The following RTN3 variants were observed in gnomAD, a reference collection of about 807,000 sequenced individuals.
The protein encoded by RTN3 is reticulon 3.
A neutral mutation model predicts 77.8 loss-of-function variants in RTN3; 49 were observed. That is an observed-to-expected ratio of 0.63 (90% CI 0.50 to 0.80). The LOEUF is 0.80. RTN3 is among the 30% of genes least tolerant of loss of function. The pLI is 0.00. For synonymous variants in RTN3, 464 were observed against 446.9 expected, an observed-to-expected ratio of 1.04 and a Z score of -0.48; for missense variants, 1,236 against 1,211.9, an observed-to-expected ratio of 1.02 and a Z score of -0.29.
intron 3 of RTN3, among the ~76,000 whole-genome samples, chr11:63,742,104 C>G (rs2013518526): frequency 6.6e-6 from 1 of 151,444 alleles, no homozygotes; most frequent in African/African-American, 2.4e-5. Context: ...CTCAGCCTCC[C>G]AAGTAGCTGA....
At chr11:63,696,836 C>T (rs755233653) in intron 1 of RTN3, among the ~76,000 whole-genome samples, 1 of 149,662 alleles carries the variant, frequency 6.7e-6, no homozygotes, top group Non-Finnish European at 1.5e-5. Flanking sequence ...CTTGAGCCAC[C>T]ACACCTGGCC....
At chr11:63,734,022 C>G (rs1278771590) in intron 3 of RTN3, among the ~76,000 whole-genome samples, 1 of 152,064 alleles carries the variant, frequency 6.6e-6, no homozygotes, top group African/African-American at 2.4e-5. Context: ...AGTTCGATAT[C>G]CTTTTCTGAT....
chr11:63,710,637 G>C (rs1463419671), intron 2 of RTN3, among the ~76,000 whole-genome samples: 1 of 152,170 alleles, frequency 6.6e-6, no homozygotes, highest in Middle Eastern at 3.2e-3. Flanking sequence ...GGCTCCTCCT[G>C]TGGGATTTTT....
chr11:63,728,322 CAT>C lies in RTN3; in HGVS notation c.2530+7291_2530+7292del, dbSNP rs757916347. On this transcript the variant is annotated intron_variant, in intron 3 of 8. Transcript: ENST00000377819. ...AGACCCCAGACCCCCAGAGCAAAAA[CAT>C]GTACTGGCAATAAATCATATTGTTA... Among the ~76,000 whole-genome samples, 16 of 152,312 alleles carry C rather than the reference CAT, an allele frequency of 1.1e-4. No homozygotes were observed. The East Asian group carries it at 3.1e-3, about 29-fold the overall frequency.
At chr11:63,735,598 C>CTT (rs2013060967) in intron 3 of RTN3, among the ~76,000 whole-genome samples, 2 of 147,768 alleles carry the variant, frequency 1.4e-5, no homozygotes, top group Admixed American at 6.8e-5. Context: ...CTCTCTCTCT[C>CTT]TCTTTCTTTC....
intron 3 of RTN3, among the ~76,000 whole-genome samples, chr11:63,737,326 G>A (rs1483010690): frequency 1.3e-5 from 2 of 152,168 alleles, no homozygotes; most frequent in Non-Finnish European, 2.9e-5. Flanking sequence ...AAGATTGATG[G>A]CCAGGCATGC....
In RTN3 at chr11:63,758,972, G is replaced by C. The variant is rs561825832; in HGVS notation, c.*771G>C. 1 of 152,308 alleles carries C rather than the reference G, an allele frequency of 6.6e-6. No homozygotes were observed. Among genetic ancestry groups the C allele is most frequent in the South Asian group, 2.1e-4 (1 of 4,820 alleles). 9.4% of individuals were successfully genotyped at this position (152,308 alleles called of 1,614,324 possible). ...GTTCTGAGCATTAGTTTGAGAACTC[G>C]TTCCCGAATGTGCTTTCCTCCCTCT... On this transcript the variant is annotated 3_prime_UTR_variant, in exon 9 of 9. Transcript: ENST00000377819.
chr11:63,741,234 C>T (rs996622646), intron 3 of RTN3, among the ~76,000 whole-genome samples: 2 of 149,410 alleles, frequency 1.3e-5, no homozygotes, highest in Non-Finnish European at 3.0e-5. Flanking sequence ...TGGAGTTTCG[C>T]TCTTGTCGCC....
intron 3 of RTN3, among the ~76,000 whole-genome samples, chr11:63,728,745 G>A (rs1387513154): frequency 1.3e-5 from 2 of 151,918 alleles, no homozygotes; most frequent in East Asian, 1.9e-4. Flanking sequence ...AAAATTAGCC[G>A]GGGTGGCAGT....
At chr11:63,718,214 C>G (rs1232399081) in intron 2 of RTN3, among the ~76,000 whole-genome samples, 1 of 151,946 alleles carries the variant, frequency 6.6e-6, no homozygotes, top group East Asian at 1.9e-4. Flanking sequence ...TAGTTTTTTT[C>G]CTTTTCAGAT....
intron 1 of RTN3, among the ~76,000 whole-genome samples, chr11:63,682,701 C>T (rs982278763): frequency 1.3e-5 from 2 of 152,190 alleles, no homozygotes; most frequent in Non-Finnish European, 2.9e-5. Context: ...GAGTCCCCTT[C>T]TCCCATCTCT....
In RTN3 at chr11:63,719,550, C is replaced by A; in HGVS notation, c.1048C>A (p.Gln350Lys). Residue 350 changes from glutamine to lysine, a missense_variant, in exon 3 of 9, where the codon CAA becomes AAA. By Grantham distance (53) the Gln-to-Lys change is moderately conservative. This residue lies in a region of RTN3 where 1,056 missense variants were observed against 990.4 expected (regional missense o/e 1.07). Transcript: ENST00000377819. ...TTGGGATCTGGTTCCCCAAGTGAAA[C>A]AACAGACCGATAAATCTTCTGACTG... ...LTWDLVPQVK[Q>K]QTDKSSDCIT... The A allele has an allele frequency of 6.2e-7, 1 of 1,614,130 alleles. No individual in the cohort carries two copies. The highest frequency in any genetic ancestry group is 8.5e-7 in the Non-Finnish European group (1 of 1,180,022).
In RTN3 at chr11:63,754,717, A is replaced by G. The variant is rs1254449156; in HGVS notation, c.2994+1009A>G. 2.9e-4 allele frequency among the ~76,000 whole-genome samples: 42 copies of G among 144,986 alleles called. 1 individual carries two copies. The highest frequency in any genetic ancestry group is 5.5e-4 in the Non-Finnish European group (36 of 65,670). The stretch of plus-strand genomic sequence containing the variant: ...TCCATCTCAAAAAAAAAAAAAAAAA[A>G]ACGCTTAGATGGGAGATTGAGACCA... On this transcript the variant is annotated intron_variant, in intron 7 of 8. Coordinates refer to ENST00000377819, the MANE Select transcript of RTN3 (RefSeq NM_001265589.2).
chr11:63,758,559 A>G lies in RTN3; in HGVS notation c.*358A>G, dbSNP rs1044793132. ...GTCCTTCTGTCCAGTTTTCAGCACT[A>G]GTCTTACTCAGCTATCCATTATAGT... On this transcript the variant is annotated 3_prime_UTR_variant, in exon 9 of 9. Coordinates refer to ENST00000377819, the MANE Select transcript of RTN3 (RefSeq NM_001265589.2). The G allele has an allele frequency of 3.2e-5, 16 of 500,334 alleles. No individual in the cohort carries two copies. The highest frequency in any genetic ancestry group is 3.1e-4 in the African/African-American group (16 of 50,978). 31.0% of individuals were successfully genotyped at this position (500,334 alleles called of 1,614,324 possible).
At position 63,718,875 on chromosome 11, in the gene RTN3, C is replaced by G; in HGVS notation, c.373C>G (p.Leu125Val). The G allele has an allele frequency of 6.2e-7, 1 of 1,613,968 alleles. No individual in the cohort carries two copies. Among genetic ancestry groups the G allele is most frequent in the Non-Finnish European group, 8.5e-7 (1 of 1,179,996 alleles). The change falls in exon 3 of 9, where the codon CTA becomes GTA. Residue 125 changes from leucine to valine, a missense_variant. Physicochemically the swap from Leu to Val is conservative, Grantham distance 32. This residue lies in a region of RTN3 where 1,056 missense variants were observed against 990.4 expected (regional missense o/e 1.07). Transcript: ENST00000377819. The part of the protein sequence containing the change: ...AKEGKDHLDL[L>V]DMKKMEKPQG... The stretch of plus-strand genomic sequence containing the variant: ...AGAAGGAAAAGACCACTTGGATCTT[C>G]TAGATATGAAAAAGATGGAAAAGCC...
chr11:63,720,866 A>G lies in RTN3; in HGVS notation c.2364A>G (p.Arg788=). 1.2e-6 allele frequency: 2 copies of G among 1,614,094 alleles called. No homozygotes were observed. Among genetic ancestry groups the G allele is most frequent in the Non-Finnish European group, 1.7e-6 (2 of 1,180,022 alleles). Residue 788 remains arginine, a synonymous_variant, in exon 3 of 9, where the codon AGA becomes AGG. Transcript: ENST00000377819. ...TTGCTCCAGAATCTTGGCCACAGAGATCATATGACATCCTAGAACGTAATG... is the reference window on the plus strand; with the variant it reads ...TTGCTCCAGAATCTTGGCCACAGAGGTCATATGACATCCTAGAACGTAATG... The part of the protein sequence containing the change: ...FTFAPESWPQ[R]SYDILERNVK...
intron 3 of RTN3, among the ~76,000 whole-genome samples, chr11:63,723,485 G>A (rs1266868001): frequency 4.7e-5 from 7 of 149,966 alleles, no homozygotes; most frequent in African/African-American, 1.5e-4. Context: ...GTGCAGTGGC[G>A]CGATCTCGGC....
chr11:63,720,461 C>CTT lies in RTN3; in HGVS notation c.1959_1960insTT (p.Leu654PhefsTer2). On this transcript the variant is annotated frameshift_variant, in exon 3 of 9. Coordinates refer to ENST00000377819, the MANE Select transcript of RTN3 (RefSeq NM_001265589.2). LOFTEE classifies it high-confidence loss of function. ...ATATAGATGATTCCTCCCCAGAGGA[C>CTT]CTGATAGCAGCCTTTACAGAAACCA... 1 of 1,612,988 alleles carries CTT rather than the reference C, an allele frequency of 6.2e-7. No homozygotes were observed. The highest frequency in any genetic ancestry group is 1.1e-5 in the South Asian group (1 of 90,926).
At position 63,734,592 on chromosome 11, in the gene RTN3, CATG is replaced by C. The variant is rs1391710276; in HGVS notation, c.2530+13561_2530+13563del. Among the ~76,000 whole-genome samples the C allele has an allele frequency of 6.6e-5, 10 of 150,846 alleles. No homozygotes were observed. In the Admixed American group the frequency reaches 6.6e-4, roughly 10 times the overall value. The stretch of plus-strand genomic sequence containing the variant: ...ACTAAAAATAGAAAAATTAGCCAGG[CATG>C]GTGGCACACACCTGTAATCCCAGCT... On this transcript the variant is annotated intron_variant, in intron 3 of 8. Transcript: ENST00000377819.
Sources: gnomAD v4.1 joint callset for allele counts (sites outside exome capture counted in the v4.1 genomes callset) on GRCh38, gnomAD v4.1.1 for gene constraint, gnomAD v4.1.1 regional missense constraint, MANE v1.5 for transcripts, NCBI Gene and HGNC (gene_info 2026-07-23, HGNC 2026-07-21) for gene names.